The following MMP26 variants were observed in gnomAD, a reference collection of about 807,000 sequenced individuals.
MMP26 encodes the protein matrix metallopeptidase 26.
A neutral mutation model predicts 31.0 loss-of-function variants in MMP26; 33 were observed. The ratio of observed to expected loss-of-function variants is 1.06; its 90% CI spans 0.81 to 1.42. MMP26 has a LOEUF of 1.42. Ranked by LOEUF, MMP26 falls within the 40% of genes most tolerant of loss-of-function variation. MMP26 has a pLI of 0.00. For synonymous variants in MMP26, 122 were observed against 114.9 expected (o/e 1.06, Z -0.40); for missense variants, 347 against 316.1 (o/e 1.10, Z -0.74).
At chr11:4,779,517 A>G (rs371211792) in intron 2 of MMP26, among the ~76,000 whole-genome samples, 3 of 151,670 alleles carry the variant, frequency 2.0e-5, no homozygotes, top group East Asian at 3.9e-4. Context: ...TTCTTTTCTT[A>G]CCCACTTTAG....
At chr11:4,814,027 G>A (rs946246586) in intron 2 of MMP26, among the ~76,000 whole-genome samples, 1 of 151,990 alleles carries the variant, frequency 6.6e-6, no homozygotes, top group East Asian at 1.9e-4. Context: ...CATATGAAAA[G>A]GTTTATTATT....
At chr11:4,957,078 C>G (rs12808710) in intron 2 of MMP26, among the ~76,000 whole-genome samples, 22,650 of 152,066 alleles carry the variant, frequency 0.15, 1,791 homozygotes, top group South Asian at 0.17. Context: ...CAACTCAGGT[C>G]TGTTATTTTA....
At chr11:4,857,710 C>T (rs1490056037) in intron 2 of MMP26, among the ~76,000 whole-genome samples, 1 of 152,172 alleles carries the variant, frequency 6.6e-6, no homozygotes, top group Non-Finnish European at 1.5e-5. Flanking sequence ...AGGGAATCCT[C>T]CCTAAATCAT....
At chr11:4,780,250 A>C (rs977677582) in intron 2 of MMP26, among the ~76,000 whole-genome samples, 1 of 152,162 alleles carries the variant, frequency 6.6e-6, no homozygotes, top group African/African-American at 2.4e-5. Flanking sequence ...TGCAGTTTTA[A>C]CATACATGAC....
At chr11:4,750,871 T>C (rs1848439177) in intron 1 of MMP26, among the ~76,000 whole-genome samples, 1 of 152,008 alleles carries the variant, frequency 6.6e-6, no homozygotes, top group African/African-American at 2.4e-5. Context: ...ACTTCAGCAC[T>C]ATGCAATATA....
chr11:4,786,938 A>C (rs146567319), intron 2 of MMP26: 1 of 152,602 alleles, frequency 6.6e-6, no homozygotes, highest in Admixed American at 6.5e-5. Context: ...GAACCCATGT[A>C]CTGTTTTCTC....
intron 2 of MMP26, among the ~76,000 whole-genome samples, chr11:4,900,438 A>G (rs968581316): frequency 6.6e-6 from 1 of 152,178 alleles, no homozygotes; most frequent in Non-Finnish European, 1.5e-5. Context: ...ATTGTTTTCT[A>G]TCATTGCCAG....
rs559136798 is a variant in MMP26 at position 4,887,800 on chromosome 11, A to G, written c.-144-100268A>G. Among the ~76,000 whole-genome samples the G allele has an allele frequency of 4.6e-5, 7 of 152,252 alleles. No homozygotes were observed. In the South Asian group the frequency reaches 1.0e-3, roughly 23 times the overall value. On this transcript the variant is annotated intron_variant, in intron 2 of 7. Coordinates refer to ENST00000380390, the MANE Select transcript of MMP26 (RefSeq NM_021801.5). ...CATGCCAATAAATTTCATTAATGCA[A>G]TTCCTCTGAGGAAACAAAATACAAG...
At chr11:4,800,413 C>T (rs1849165481) in intron 2 of MMP26, among the ~76,000 whole-genome samples, 1 of 152,162 alleles carries the variant, frequency 6.6e-6, no homozygotes, top group Admixed American at 6.5e-5. Flanking sequence ...CTGGAGCAGT[C>T]AGGATGCAGG....
chr11:4,915,214 G>A, intron 2 of MMP26: 1 of 1,613,956 alleles, frequency 6.2e-7, no homozygotes, highest in Non-Finnish European at 8.5e-7. Flanking sequence ...GAGAGACCAG[G>A]CCAATCCTGC....
intron 2 of MMP26, among the ~76,000 whole-genome samples, chr11:4,845,305 T>C (rs1849851758): frequency 6.6e-6 from 1 of 152,098 alleles, no homozygotes; most frequent in South Asian, 2.1e-4. Context: ...ACTGAAAGAA[T>C]AAATATTGTT....
intron 1 of MMP26, among the ~76,000 whole-genome samples, chr11:4,764,698 C>T (rs1296570506): frequency 6.6e-6 from 1 of 152,132 alleles, no homozygotes; most frequent in African/African-American, 2.4e-5. Flanking sequence ...ACGGTGAAAC[C>T]CCGTCTCTAC....
chr11:4,959,110 C>A (rs1265842076), intron 2 of MMP26, among the ~76,000 whole-genome samples: 1 of 151,808 alleles, frequency 6.6e-6, no homozygotes, highest in African/African-American at 2.4e-5. Context: ...TGGTGGCGGG[C>A]GCCTGTAGTC....
intron 2 of MMP26, chr11:4,848,885 C>T (rs372829309): frequency 1.4e-5 from 23 of 1,614,162 alleles, no homozygotes; most frequent in African/African-American, 4.0e-5. Flanking sequence ...TAAAAACCAT[C>T]TGTAGAAGGC....
chr11:4,987,090 C>A (rs374800393), intron 2 of MMP26, among the ~76,000 whole-genome samples: 6 of 151,180 alleles, frequency 4.0e-5, no homozygotes, highest in Middle Eastern at 3.4e-3. Context: ...CCACGTTGGT[C>A]AGGCTGGTCT....
chr11:4,848,971 C>T (rs780772268), intron 2 of MMP26: 3 of 1,613,942 alleles, frequency 1.9e-6, no homozygotes, highest in Middle Eastern at 1.6e-4. Flanking sequence ...GTGACCAATC[C>T]AATATCAGAC....
At chr11:4,854,000 A>C (rs1850013062) in intron 2 of MMP26, among the ~76,000 whole-genome samples, 1 of 152,246 alleles carries the variant, frequency 6.6e-6, no homozygotes, top group South Asian at 2.1e-4. Flanking sequence ...AATACACATT[A>C]GAAAAAAGGA....
At chr11:4,811,150 T>C (rs1478444490) in intron 2 of MMP26, among the ~76,000 whole-genome samples, 2 of 152,164 alleles carry the variant, frequency 1.3e-5, no homozygotes, top group African/African-American at 2.4e-5. Flanking sequence ...CAGGCTGACA[T>C]TGTACATTGG....
intron 1 of MMP26, chr11:4,710,091 G>A (rs764018992): frequency 1.1e-5 from 5 of 456,798 alleles, no homozygotes; most frequent in Non-Finnish European, 1.8e-5. Context: ...CCGTAGTCAT[G>A]TGCTCCACCA....
Sources: allele counts gnomAD v4.1 joint callset (sites outside exome capture counted in the v4.1 genomes callset), GRCh38; gene constraint gnomAD v4.1.1; transcripts MANE v1.5; gene names NCBI Gene and HGNC (gene_info 2026-07-23, HGNC 2026-07-21).